KLF16: variants seen among roughly 807,000 people sequenced by gnomAD.
KLF16 encodes the protein Krueppel-like factor 16.
KLF16 carries 6 observed loss-of-function variants against 6.1 expected under a neutral mutation model. The ratio of observed to expected loss-of-function variants is 0.98; its 90% CI spans 0.54 to 1.93. KLF16 has a LOEUF of 1.93. KLF16 is among the 30% of genes most tolerant of loss of function. KLF16 has a pLI of 0.01. For missense variants in KLF16, 355 were observed against 363.8 expected, an observed-to-expected ratio of 0.98 and a Z score of 0.20; for synonymous variants, 211 against 176.5, an observed-to-expected ratio of 1.20 and a Z score of -1.55.
Position 1,854,140 on chromosome 19 carries a change from A to C in KLF16, c.*319T>G. Reference sequence around the variant, plus strand: ...CCACCCCCCCAAACCCCACCCCGGGAGGGGGGCAGCAGGGGGTGGTGGAGA... The same window carrying C: ...CCACCCCCCCAAACCCCACCCCGGGCGGGGGGCAGCAGGGGGTGGTGGAGA... On this transcript the variant is annotated 3_prime_UTR_variant, in exon 2 of 2. Transcript: ENST00000250916. 34 of 285,708 alleles carry C rather than the reference A, an allele frequency of 1.2e-4. No individual in the cohort carries two copies. Among genetic ancestry groups the C allele is most frequent in the East Asian group, 2.6e-4 (4 of 15,638 alleles). The allele number at this position is 285,708 out of a possible 1,614,324, so 17.7% of individuals were successfully genotyped here.
chr19:1,862,572 C>A (rs1426415557), intron 1 of KLF16, among the ~76,000 whole-genome samples: 1 of 152,114 alleles, frequency 6.6e-6, no homozygotes, highest in African/African-American at 2.4e-5. Flanking sequence ...TGGGGAGAAT[C>A]CGCGCGGCCA....
At chr19:1,860,287 G>A (rs989787879) in intron 1 of KLF16, 8 of 152,474 alleles carry the variant, frequency 5.2e-5, no homozygotes, top group African/African-American at 1.9e-4. Context: ...CCCCACGCAG[G>A]GGAGAGAGAG....
At position 1,863,330 on chromosome 19, in the gene KLF16, C is replaced by A. The variant is rs2012112435; in HGVS notation, c.168G>T (p.Pro56=). ...CGGCGGGGGGCGGCGGGGGTGGCCC[C>A]GGGGTCCCGGGTGAGGCGGCCTCGC... is the stretch of plus-strand genomic sequence containing the variant. ...ARREAASPGT[P]GPPPPPPAAS... The change falls in exon 1 of 2, where the codon CCG becomes CCT. Residue 56 remains proline, a synonymous_variant. Transcript: ENST00000250916. 1.0e-6 allele frequency: 1 copy of A among 980,906 alleles called. No homozygotes were observed. Among genetic ancestry groups the A allele is most frequent in the Non-Finnish European group, 1.2e-6 (1 of 828,686 alleles). 60.8% of individuals were successfully genotyped at this position (980,906 alleles called of 1,614,324 possible). A position where few individuals can be genotyped will look rare whatever the true frequency, so the allele number is the denominator to read the frequency against.
intron 1 of KLF16, among the ~76,000 whole-genome samples, chr19:1,856,963 G>GGGGGGGGGGCCCC (rs1466347651): frequency 8.5e-6 from 1 of 117,400 alleles, no homozygotes; most frequent in African/African-American, 4.4e-5. Context: ...GGTGGGGGGG[G>GGGGGGGGGGCCCC]CGACCGGGGC....
rs1368462369 is a variant in KLF16, at chr19:1,856,952, G to GT, written c.458-2193_458-2192insA. Reference sequence around the variant, plus strand: ...CTTTGCAAGGAGGAGCAGGTTGCCGGGGTGGGGGGGGCGACCGGGGCAGGG... The same window carrying GT: ...CTTTGCAAGGAGGAGCAGGTTGCCGGTGGTGGGGGGGGCGACCGGGGCAGGG... On this transcript the variant is annotated intron_variant, in intron 1 of 1. Coordinates refer to ENST00000250916, the MANE Select transcript of KLF16 (RefSeq NM_031918.4). Among the ~76,000 whole-genome samples the GT allele has an allele frequency of 2.4e-5, 3 of 123,904 alleles. 1 individual carries two copies. The highest frequency in any genetic ancestry group is 1.7e-5 in the Non-Finnish European group (1 of 57,836). 81.3% of individuals were successfully genotyped at this position (123,904 alleles called of 152,430 possible).
Position 1,852,728 on chromosome 19 carries a change from C to G in KLF16, c.*1731G>C, listed in dbSNP as rs2011860385. On this transcript the variant is annotated 3_prime_UTR_variant, in exon 2 of 2. Coordinates refer to ENST00000250916, the MANE Select transcript of KLF16 (RefSeq NM_031918.4). ...CGGGGCCCCAGTCCCCCACCCACCC[C>G]CACAGACTAAGGCATCTCACTAGCG... 6.6e-6 allele frequency: 1 copy of G among 152,450 alleles called. No individual in the cohort carries two copies. The allele number at this position is 152,450 out of a possible 1,614,324, so 9.4% of individuals were successfully genotyped here. A position where few individuals can be genotyped will look rare whatever the true frequency, so the allele number is the denominator to read the frequency against.
At position 1,853,496 on chromosome 19, in the gene KLF16, C is replaced by T. The variant is rs1171683470; in HGVS notation, c.*963G>A. 1.3e-5 allele frequency: 2 copies of T among 152,620 alleles called. No individual in the cohort carries two copies. The highest frequency in any genetic ancestry group is 2.9e-5 in the Non-Finnish European group (2 of 68,050). 9.5% of individuals were successfully genotyped at this position (152,620 alleles called of 1,614,324 possible). A position where few individuals can be genotyped will look rare whatever the true frequency, so the allele number is the denominator to read the frequency against. On this transcript the variant is annotated 3_prime_UTR_variant, in exon 2 of 2. Transcript: ENST00000250916. ...CCCCGGCGGGCATGGGCTCCACGGC[C>T]CCACCTGCAGGCCAGGGAGGGCAGC...
chr19:1,863,126 G>GGCGGCGGCGGAGGGC lies in KLF16; in HGVS notation c.357_371dup (p.Pro120_Ala124dup), dbSNP rs754677835. ...CCGGGAAGGGACAGCGGTGGCTCTT[G>GGCGGCGGCGGAGGGC]GCGGCGGCGGAGGGCGCGGCGCCGG... On this transcript the variant is annotated inframe_insertion, in exon 1 of 2. Transcript: ENST00000250916. The GGCGGCGGCGGAGGGC allele has an allele frequency of 2.5e-5, 33 of 1,346,874 alleles. No homozygotes were observed. Among genetic ancestry groups the GGCGGCGGCGGAGGGC allele is most frequent in the African/African-American group, 6.2e-5 (4 of 64,838 alleles). 83.4% of individuals were successfully genotyped at this position (1,346,874 alleles called of 1,614,324 possible).
At chr19:1,865,476 T>C (rs2012173277), upstream of KLF16, among the ~76,000 whole-genome samples, 1 of 152,234 alleles carries the variant, frequency 6.6e-6, no homozygotes, top group South Asian at 2.1e-4. Context: ...CCACTGATGT[T>C]TCCTGGGCTT....
At chr19:1,869,960 G>A in the KLF16 span, among the ~76,000 whole-genome samples, 1 of 128,236 alleles carries the variant, frequency 7.8e-6, no homozygotes, top group Admixed American at 8.4e-5. Flanking sequence ...TTGAGACGGA[G>A]TCTCCCTCTG....
chr19:1,863,552 C>T lies in KLF16; in HGVS notation c.-55G>A. On this transcript the variant is annotated 5_prime_UTR_variant, in exon 1 of 2. Coordinates refer to ENST00000250916, the MANE Select transcript of KLF16 (RefSeq NM_031918.4). The stretch of plus-strand genomic sequence containing the variant: ...GGAGCGGAGGCGGCGGGAGCGGCGT[C>T]CGTCCGGCCGGCGGCGGCTGCTCGA... 1.1e-6 allele frequency: 1 copy of T among 888,602 alleles called. No individual in the cohort carries two copies. Among genetic ancestry groups the T allele is most frequent in the Non-Finnish European group, 1.3e-6 (1 of 744,026 alleles). The allele number at this position is 888,602 out of a possible 1,614,324, so 55.0% of individuals were successfully genotyped here.
At position 1,863,086 on chromosome 19, in the gene KLF16, A is replaced by G; in HGVS notation, c.412T>C (p.Tyr138His). The G allele has an allele frequency of 1.4e-6, 2 of 1,413,392 alleles. No homozygotes were observed. Among genetic ancestry groups the G allele is most frequent in the East Asian group, 3.3e-5 (1 of 30,120 alleles). The allele number at this position is 1,413,392 out of a possible 1,614,324, so 87.6% of individuals were successfully genotyped here. A position where few individuals can be genotyped will look rare whatever the true frequency, so the allele number is the denominator to read the frequency against. Residue 138 changes from tyrosine to histidine, a missense_variant, in exon 1 of 2, where the codon TAC (tyrosine) becomes CAC (histidine). By Grantham distance (83) the Tyr-to-His change is moderately conservative. Transcript: ENST00000250916. ...RCPFPDCAKA[Y>H]YKSSHLKSHL... ...GACTTTAGGTGCGAGGACTTGTAGT[A>G]GGCTTTGGCGCAGTCCGGGAAGGGA...
At chr19:1,860,219 T>G (rs2012037262) in intron 1 of KLF16, 1 of 149,708 alleles carries the variant, frequency 6.7e-6, no homozygotes, top group African/African-American at 2.5e-5. Flanking sequence ...GCTCGCTCAC[T>G]CTCCGTAACC....
the KLF16 span, among the ~76,000 whole-genome samples, chr19:1,869,804 G>GT: frequency 6.6e-6 from 1 of 152,036 alleles, no homozygotes; most frequent in Non-Finnish European, 1.5e-5. Context: ...TAGAGATAGG[G>GT]TCTTACTTTT....
rs2011970314 is a variant in KLF16, at chr19:1,857,150, G to GA, written c.458-2391dup. ...CTGCCAGCCCCGCCCCGCGCTTGGA[G>GA]ACTGAGGCGCGCACATGCGCACGTG... On this transcript the variant is annotated intron_variant, in intron 1 of 1. Transcript: ENST00000250916. The surrounding 1 kb of genome is among the most constrained non-coding windows in gnomAD (Gnocchi z 4.7). 6.6e-6 allele frequency among the ~76,000 whole-genome samples: 1 copy of GA among 152,290 alleles called. No homozygotes were observed. The highest frequency in any genetic ancestry group is 6.5e-5 in the Admixed American group (1 of 15,308).
Position 1,863,130 on chromosome 19 carries a change from G to A in KLF16, c.368C>T (p.Ala123Val). 1 of 1,340,102 alleles carries A rather than the reference G, an allele frequency of 7.5e-7. No individual in the cohort carries two copies. The highest frequency in any genetic ancestry group is 9.7e-7 in the Non-Finnish European group (1 of 1,027,478). The allele number at this position is 1,340,102 out of a possible 1,614,324, so 83.0% of individuals were successfully genotyped here. A position where few individuals can be genotyped will look rare whatever the true frequency, so the allele number is the denominator to read the frequency against. The change falls in exon 1 of 2, where the codon GCC becomes GTC. Residue 123 changes from alanine (A) to valine (V), a missense_variant. Physicochemically the swap from Ala to Val is moderately conservative, Grantham distance 64. Transcript: ENST00000250916. ...GAAGGGACAGCGGTGGCTCTTGGCGGCGGCGGAGGGCGCGGCGCCGGGGGC... is the reference window on the plus strand; with the variant it reads ...GAAGGGACAGCGGTGGCTCTTGGCGACGGCGGAGGGCGCGGCGCCGGGGGC... ...GRAPGAAPSA[A>V]AKSHRCPFPD... is the part of the protein sequence containing the mutation.
chr19:1,859,770 TGCTGGCCTGCG>T (rs2012026157), intron 1 of KLF16, among the ~76,000 whole-genome samples: 1 of 152,116 alleles, frequency 6.6e-6, no homozygotes, highest in South Asian at 2.1e-4. Context: ...GGATGCTGGG[TGCTGGCCTGCG>T]GCAGGGGACT....
At chr19:1,862,717 G>T in intron 1 of KLF16, 11 of 182,098 alleles carry the variant, frequency 6.0e-5, no homozygotes, top group Middle Eastern at 1.9e-3. Flanking sequence ...GAACGCAAAA[G>T]AAAAAAAAAA....
At chr19:1,861,634 G>C (rs1486730814) in intron 1 of KLF16, 1 of 152,280 alleles carries the variant, frequency 6.6e-6, no homozygotes, top group Non-Finnish European at 1.5e-5. Context: ...TGTGTCTCAA[G>C]GTGGGCAGAG....
Sources: allele counts gnomAD v4.1 joint callset (sites outside exome capture counted in the v4.1 genomes callset), GRCh38; gene constraint gnomAD v4.1.1; non-coding constraint Gnocchi (gnomAD v3.1); transcripts MANE v1.5; gene names NCBI Gene and HGNC (gene_info 2026-07-23, HGNC 2026-07-21).